Variants in VPS37A observed in about 807,000 individuals in gnomAD.
The protein encoded by VPS37A is vacuolar protein sorting-associated protein 37A.
In VPS37A, 30 loss-of-function variants were observed where a neutral mutation model predicts 49.8. The observed-to-expected ratio is 0.60, with a 90% CI of 0.45 to 0.82. The LOEUF is 0.82. Among genes scored for constraint, VPS37A ranks in the 40% least tolerant of loss-of-function variants. The pLI, the probability that VPS37A is intolerant of heterozygous loss-of-function variation, is 0.00. For synonymous variants in VPS37A, 195 were observed against 160.6 expected, an observed-to-expected ratio of 1.21 and a Z score of -1.62; for missense variants, 593 against 464.4, an observed-to-expected ratio of 1.28 and a Z score of -2.55.
At chr8:17,259,784 T>C (rs567218957) in intron 1 of VPS37A, among the ~76,000 whole-genome samples, 3 of 152,274 alleles carry the variant, frequency 2.0e-5, no homozygotes, top group East Asian at 1.9e-4. Context: ...CTAATTGTTA[T>C]ATCTGCTTGC....
Position 17,297,816 on chromosome 8 carries a change from C to A in VPS37A, c.*2830C>A, listed in dbSNP as rs780170335. 1 of 151,188 alleles carries A rather than the reference C, an allele frequency of 6.6e-6. No individual in the cohort carries two copies. The highest frequency in any genetic ancestry group is 1.5e-5 in the Non-Finnish European group (1 of 67,796). The allele number at this position is 151,188 out of a possible 1,614,324, so 9.4% of individuals were successfully genotyped here. A position where few individuals can be genotyped will look rare whatever the true frequency, so the allele number is the denominator to read the frequency against. On this transcript the variant is annotated 3_prime_UTR_variant, in exon 12 of 12. Coordinates refer to ENST00000324849, the MANE Select transcript of VPS37A (RefSeq NM_152415.3). The stretch of plus-strand genomic sequence containing the variant: ...AAGTTTTAATAAGCAATAAATGTAA[C>A]CTTTTATATAAATCTCAGTGCTAGG...
chr8:17,275,033 C>G, intron 5 of VPS37A, 75 bp downstream of exon 5: 1 of 1,344,730 alleles, frequency 7.4e-7, no homozygotes, highest in Non-Finnish European at 1.0e-6. Flanking sequence ...TTACATGCCT[C>G]TGTGTGCCAG....
At chr8:17,263,604 A>T (rs753210096) in intron 1 of VPS37A, among the ~76,000 whole-genome samples, 2 of 152,218 alleles carry the variant, frequency 1.3e-5, no homozygotes, top group Non-Finnish European at 2.9e-5. Context: ...ATTTAGATAA[A>T]AATTATTTAA....
chr8:17,262,693 A>G (rs2150365185), intron 1 of VPS37A, among the ~76,000 whole-genome samples: 2 of 152,296 alleles, frequency 1.3e-5, no homozygotes, highest in East Asian at 3.9e-4. Context: ...AGCTGCAAAC[A>G]ATCTAAATAT....
chr8:17,263,237 TG>T (rs904550897), intron 1 of VPS37A, among the ~76,000 whole-genome samples: 1 of 152,160 alleles, frequency 6.6e-6, no homozygotes, highest in African/African-American at 2.4e-5. Flanking sequence ...ATGTTTACAG[TG>T]GTTTTTTGGC....
At position 17,290,999 on chromosome 8, in the gene VPS37A, C is replaced by T. The variant is rs556977089; in HGVS notation, c.*1-3988C>T. Among the ~76,000 whole-genome samples the T allele has an allele frequency of 7.9e-5, 12 of 152,012 alleles. No individual in the cohort carries two copies. In the South Asian group the frequency reaches 1.9e-3, roughly 24 times the overall value. ...ATGGTAGGTTGTATTTCTGTGGGAT[C>T]GGTGGTGATCTTTTTTTTGTTGTTG... On this transcript the variant is annotated intron_variant, in intron 11 of 11. Coordinates refer to ENST00000324849, the MANE Select transcript of VPS37A (RefSeq NM_152415.3).
chr8:17,259,555 A>C (rs1812786568), intron 1 of VPS37A, among the ~76,000 whole-genome samples: 1 of 152,272 alleles, frequency 6.6e-6, no homozygotes, highest in East Asian at 1.9e-4. Context: ...GCAGCAATTG[A>C]GTGCAGTGTT....
At position 17,280,040 on chromosome 8, in the gene VPS37A, C is replaced by T. The variant is rs777081901; in HGVS notation, c.726C>T (p.Leu242=). 1.2e-6 allele frequency: 2 copies of T among 1,610,702 alleles called. No individual in the cohort carries two copies. Among genetic ancestry groups the T allele is most frequent in the African/African-American group, 2.7e-5 (2 of 74,748 alleles). ...PELSELSVSQ[L]TDMNEQEEVL... The stretch of plus-strand genomic sequence containing the variant: ...TTTGTGTTTCTAGTGTGTCACAACT[C>T]ACAGATATGAATGAACAAGAGGAGG... Residue 242 remains leucine, a synonymous_variant, in exon 7 of 12, where the codon CTC becomes CTT. Coordinates refer to ENST00000324849, the MANE Select transcript of VPS37A (RefSeq NM_152415.3).
At chr8:17,281,982 G>A (rs1047101159) in intron 9 of VPS37A, among the ~76,000 whole-genome samples, 1 of 151,914 alleles carries the variant, frequency 6.6e-6, no homozygotes, top group Non-Finnish European at 1.5e-5. Flanking sequence ...AAATAACTTA[G>A]AAATTGAATA....
At chr8:17,281,306 A>G (rs1815032481) in intron 9 of VPS37A, among the ~76,000 whole-genome samples, 1 of 152,052 alleles carries the variant, frequency 6.6e-6, no homozygotes, top group African/African-American at 2.4e-5. Flanking sequence ...GAGATTAAAT[A>G]AATTTCTTGA....
rs148618641 is a variant in VPS37A at position 17,272,166 on chromosome 8, G to T, written c.417-2567G>T. 35 of 443,874 alleles carry T rather than the reference G, an allele frequency of 7.9e-5. No homozygotes were observed. The East Asian group carries it at 2.4e-3, about 31-fold the overall frequency. The allele number at this position is 443,874 out of a possible 1,614,324, so 27.5% of individuals were successfully genotyped here. ...TGACCATCTGCTCAAAGGCCCACCAGGCTCCTCCTAACAGCCTCTTTGAGG... is the reference window on the plus strand; with the variant it reads ...TGACCATCTGCTCAAAGGCCCACCATGCTCCTCCTAACAGCCTCTTTGAGG... On this transcript the variant is annotated intron_variant, in intron 4 of 11. Transcript: ENST00000324849.
the VPS37A span, among the ~76,000 whole-genome samples, chr8:17,318,040 A>C: frequency 1.3e-5 from 2 of 152,122 alleles, no homozygotes; most frequent in African/African-American, 2.4e-5. Context: ...GCTGGAACTG[A>C]GACTCCCTAC....
At chr8:17,263,450 T>C (rs1275992746) in intron 1 of VPS37A, among the ~76,000 whole-genome samples, 2 of 152,188 alleles carry the variant, frequency 1.3e-5, no homozygotes, top group Non-Finnish European at 2.9e-5. Flanking sequence ...TTGGAATTTG[T>C]TGATGGTTCA....
Position 17,274,714 on chromosome 8 carries a change from C to A in VPS37A, c.417-19C>A. ...TATCCATAAAATCTAATGTAATGATCTTCTCTTTTTCTTTTCAGTCTATAC... is the reference window on the plus strand; with the variant it reads ...TATCCATAAAATCTAATGTAATGATATTCTCTTTTTCTTTTCAGTCTATAC... On this transcript the variant is annotated intron_variant, in intron 4 of 11. Transcript: ENST00000324849. 6.3e-7 allele frequency: 1 copy of A among 1,580,878 alleles called. No individual in the cohort carries two copies. The highest frequency in any genetic ancestry group is 8.7e-7 in the Non-Finnish European group (1 of 1,153,038).
At chr8:17,280,891 G>A (rs889097991) in intron 9 of VPS37A, among the ~76,000 whole-genome samples, 13 of 151,568 alleles carry the variant, frequency 8.6e-5, no homozygotes, top group African/African-American at 3.1e-4. Flanking sequence ...AAAATCAAAA[G>A]AATTTTATAA....
intron 6 of VPS37A, 79 bp from the exon 7 acceptor site, chr8:17,279,949 C>T (rs764649122): frequency 1.9e-6 from 3 of 1,586,810 alleles, no homozygotes; most frequent in Non-Finnish European, 2.6e-6. Flanking sequence ...TTAACTAAAG[C>T]TGAAAAATTG....
Position 17,274,754 on chromosome 8 carries a change from G to C in VPS37A, c.438G>C (p.Gly146=). The change falls in exon 5 of 12, where the codon GGG becomes GGC. Residue 146 remains glycine, a synonymous_variant. Coordinates refer to ENST00000324849, the MANE Select transcript of VPS37A (RefSeq NM_152415.3). The part of the protein sequence containing the change: ...AFPYLYSNPS[G]MSPYASQGFP... Reference sequence around the variant, plus strand: ...TCAGTCTATACAGTAACCCAAGTGGGATGTCTCCTTATGCTTCTCAGGGTT... The same window carrying C: ...TCAGTCTATACAGTAACCCAAGTGGCATGTCTCCTTATGCTTCTCAGGGTT... 6.2e-7 allele frequency: 1 copy of C among 1,613,942 alleles called. No homozygotes were observed. Among genetic ancestry groups the C allele is most frequent in the East Asian group, 2.2e-5 (1 of 44,870 alleles).
At chr8:17,294,411 A>G (rs1218747939) in intron 11 of VPS37A, among the ~76,000 whole-genome samples, 2 of 152,170 alleles carry the variant, frequency 1.3e-5, no homozygotes, top group African/African-American at 4.8e-5. Context: ...GGATCCGCTG[A>G]GCAAGACCAT....
chr8:17,308,507 T>C, the VPS37A span, among the ~76,000 whole-genome samples: 3 of 152,222 alleles, frequency 2.0e-5, no homozygotes, highest in African/African-American at 4.8e-5. Context: ...AGCAGTTGCA[T>C]GCATTTAGAA....
Sources: allele counts gnomAD v4.1 joint callset (sites outside exome capture counted in the v4.1 genomes callset), GRCh38; gene constraint gnomAD v4.1.1; transcripts MANE v1.5; gene names NCBI Gene and HGNC (gene_info 2026-07-23, HGNC 2026-07-21).